EBF2: variants seen among roughly 807,000 people sequenced by gnomAD.
EBF2 encodes the protein transcription factor COE2.
A neutral mutation model predicts 72.8 loss-of-function variants in EBF2; 21 were observed. The ratio of observed to expected loss-of-function variants is 0.29; its 90% CI spans 0.20 to 0.42. The LOEUF is 0.42. Ranked by LOEUF, EBF2 falls within the 10% of genes least tolerant of loss-of-function variation. The pLI, the probability that EBF2 is intolerant of heterozygous loss-of-function variation, is 1.00. For missense variants in EBF2, 637 were observed against 731.2 expected, an observed-to-expected ratio of 0.87 and a Z score of 1.49; for synonymous variants, 299 against 274.2, an observed-to-expected ratio of 1.09 and a Z score of -0.89.
intron 6 of EBF2, among the ~76,000 whole-genome samples, chr8:25,996,901 G>C (rs529040417): frequency 6.6e-6 from 1 of 152,074 alleles, no homozygotes; most frequent in Non-Finnish European, 1.5e-5. Flanking sequence ...AGAATACTAC[G>C]TATAATCATG....
chr8:25,991,996 CT>C (rs1804551792), intron 6 of EBF2, among the ~76,000 whole-genome samples: 1 of 152,106 alleles, frequency 6.6e-6, no homozygotes, highest in Admixed American at 6.5e-5. Context: ...AAAGGAACAA[CT>C]GTGGATACAG....
chr8:25,948,799 T>C (rs1459686410), intron 6 of EBF2, among the ~76,000 whole-genome samples: 1 of 152,156 alleles, frequency 6.6e-6, no homozygotes, highest in Non-Finnish European at 1.5e-5. Context: ...AGCTCCACAG[T>C]CTAATCCTAC....
chr8:26,010,594 G>GT (rs1804963716), intron 6 of EBF2, among the ~76,000 whole-genome samples: 1 of 152,198 alleles, frequency 6.6e-6, no homozygotes, highest in African/African-American at 2.4e-5. Context: ...GAGCACAATC[G>GT]TGACAGCTGC....
At chr8:25,898,991 A>C (rs1802902271) in intron 7 of EBF2, among the ~76,000 whole-genome samples, 1 of 152,292 alleles carries the variant, frequency 6.6e-6, no homozygotes, top group East Asian at 1.9e-4. Context: ...CTCTCCCAAA[A>C]GTTTCCCAGG....
intron 10 of EBF2, among the ~76,000 whole-genome samples, chr8:25,864,732 T>C (rs1802274470): frequency 6.6e-6 from 1 of 152,198 alleles, no homozygotes; most frequent in South Asian, 2.1e-4. Context: ...TAATACATAT[T>C]TAATATTTGA....
chr8:25,954,644 C>T (rs943901588), intron 6 of EBF2, among the ~76,000 whole-genome samples: 9 of 152,168 alleles, frequency 5.9e-5, no homozygotes, highest in Admixed American at 6.5e-5. Context: ...TTGTACTCAC[C>T]GTTCAAGGCT....
chr8:25,908,875 C>G (rs1043388660), intron 6 of EBF2, among the ~76,000 whole-genome samples: 1 of 152,136 alleles, frequency 6.6e-6, no homozygotes, highest in Non-Finnish European at 1.5e-5. Context: ...GCTTCAAATG[C>G]AGCAGTGACC....
At chr8:25,968,094 T>A (rs1804140853) in intron 6 of EBF2, among the ~76,000 whole-genome samples, 2 of 152,026 alleles carry the variant, frequency 1.3e-5, no homozygotes, top group South Asian at 4.2e-4. Flanking sequence ...TATTTTTTTC[T>A]GCACATAGGT....
chr8:26,019,698 C>A (rs1038897826), intron 6 of EBF2, among the ~76,000 whole-genome samples: 2 of 152,186 alleles, frequency 1.3e-5, no homozygotes, highest in African/African-American at 4.8e-5. Flanking sequence ...AACTCACCAA[C>A]AGCTCTTTCT....
chr8:25,908,281 A>G (rs904332528), intron 7 of EBF2, among the ~76,000 whole-genome samples, 193 bp downstream of exon 7: 6 of 152,230 alleles, frequency 3.9e-5, no homozygotes, highest in Non-Finnish European at 7.3e-5. Flanking sequence ...CAATGGGGGC[A>G]GAAAGCTTAA....
chr8:25,912,458 TA>T (rs1803143808), intron 6 of EBF2, among the ~76,000 whole-genome samples: 1 of 89,328 alleles, frequency 1.1e-5, no homozygotes, highest in Non-Finnish European at 2.4e-5. Context: ...CAAAATGGTC[TA>T]AAAATGGCAC....
chr8:25,920,269 C>T (rs191315879), intron 6 of EBF2, among the ~76,000 whole-genome samples: 14 of 152,162 alleles, frequency 9.2e-5, no homozygotes, highest in Non-Finnish European at 1.9e-4. Flanking sequence ...TAATAGGAGG[C>T]CTGGTTTCTC....
chr8:26,005,607 C>T lies in EBF2; in HGVS notation c.551+27478G>A, dbSNP rs182004021. Among the ~76,000 whole-genome samples, 3 of 94,676 alleles carry T rather than the reference C, an allele frequency of 3.2e-5. No individual in the cohort carries two copies. In the East Asian group the frequency reaches 1.0e-3, roughly 32 times the overall value. 62.1% of individuals were successfully genotyped at this position (94,676 alleles called of 152,430 possible). On this transcript the variant is annotated intron_variant, in intron 6 of 15. Coordinates refer to ENST00000520164, the MANE Select transcript of EBF2 (RefSeq NM_022659.4). The stretch of plus-strand genomic sequence containing the variant: ...ATTTTGGGAACTAAGGCAGGAGGCT[C>T]GGTTGAGCCCCCTGAAGTTCAAGAC...
chr8:25,947,179 G>A (rs899020173), intron 6 of EBF2, among the ~76,000 whole-genome samples: 1 of 152,160 alleles, frequency 6.6e-6, no homozygotes, highest in Non-Finnish European at 1.5e-5. Context: ...TGTCATGGAA[G>A]GGACCAGGTG....
At chr8:25,874,296 C>A (rs1802485082) in intron 10 of EBF2, among the ~76,000 whole-genome samples, 1 of 152,084 alleles carries the variant, frequency 6.6e-6, no homozygotes, top group African/African-American at 2.4e-5. Context: ...GGAGGCTGTT[C>A]AGGGTATGAT....
intron 6 of EBF2, among the ~76,000 whole-genome samples, chr8:25,924,723 C>T (rs1272117777): frequency 6.6e-6 from 1 of 152,246 alleles, no homozygotes; most frequent in Non-Finnish European, 1.5e-5. Context: ...CTTTCATTAG[C>T]ATGACTAATC....
chr8:25,862,056 G>C (rs1282434309), intron 11 of EBF2, among the ~76,000 whole-genome samples: 2 of 152,160 alleles, frequency 1.3e-5, no homozygotes, highest in African/African-American at 4.8e-5. Flanking sequence ...AGCAACTCTG[G>C]TGCATAAATT....
intron 6 of EBF2, among the ~76,000 whole-genome samples, chr8:25,979,384 T>C (rs938759404): frequency 2.6e-5 from 4 of 152,180 alleles, no homozygotes; most frequent in African/African-American, 9.7e-5. Flanking sequence ...AGTCACATTG[T>C]GTCATGCCAC....
At chr8:25,943,587 C>T (rs899474984) in intron 6 of EBF2, among the ~76,000 whole-genome samples, 1 of 152,050 alleles carries the variant, frequency 6.6e-6, no homozygotes, top group African/African-American at 2.4e-5. Context: ...TTTCTCTATA[C>T]CACCCTGCTA....
Sources: allele counts gnomAD v4.1 joint callset (sites outside exome capture counted in the v4.1 genomes callset), GRCh38; gene constraint gnomAD v4.1.1; transcripts MANE v1.5; gene names NCBI Gene and HGNC (gene_info 2026-07-23, HGNC 2026-07-21).